MYH3: variants seen among roughly 807,000 people sequenced by gnomAD.
The protein encoded by MYH3 is myosin-3.
In MYH3, 130 loss-of-function variants were observed where a neutral mutation model predicts 238.0. The ratio of observed to expected loss-of-function variants is 0.55; its 90% CI spans 0.47 to 0.63. The LOEUF is 0.63. MYH3 is among the 30% of genes least tolerant of loss of function. The pLI is 0.00. For missense variants in MYH3, 1,853 were observed against 2,374.9 expected, an observed-to-expected ratio of 0.78 and a Z score of 4.57; for synonymous variants, 880 against 924.1, an observed-to-expected ratio of 0.95 and a Z score of 0.86.
chr17:10,647,474 A>G (rs186308996), intron 8 of MYH3, 48 bp from the exon 9 acceptor site: 16 of 1,586,794 alleles, frequency 1.0e-5, no homozygotes, highest in Middle Eastern at 3.3e-4. Flanking sequence ...CCATGGCCCA[A>G]TAGTTCCTAT....
At position 10,632,736 on chromosome 17, in the gene MYH3, A is replaced by G. The variant is rs767448260; in HGVS notation, c.4696T>C (p.Leu1566=). ...EAKILRIQLE[L]TQVKSEIDRK... ...TCAATTTCTGATTTCACTTGTGTCAATTCAAGCTGGATTCGGAGGATCTTG... is the reference window on the plus strand; with the variant it reads ...TCAATTTCTGATTTCACTTGTGTCAGTTCAAGCTGGATTCGGAGGATCTTG... The change falls in exon 34 of 41, where the codon TTG becomes CTG. Residue 1566 remains leucine, a synonymous_variant. Transcript: ENST00000583535. 52 of 1,614,012 alleles carry G rather than the reference A, an allele frequency of 3.2e-5. No homozygotes were observed. Among genetic ancestry groups the G allele is most frequent in the Non-Finnish European group, 4.2e-5 (49 of 1,180,028 alleles).
intron 22 of MYH3, 63 bp from the exon 23 acceptor site, chr17:10,639,865 C>T (rs549557724): frequency 1.5e-5 from 24 of 1,605,894 alleles, no homozygotes; most frequent in African/African-American, 2.7e-5. Context: ...TCCAGTATTT[C>T]ACTATATATG....
At chr17:10,676,132 C>A in the MYH3 span, 2 of 152,124 alleles carry the variant, frequency 1.3e-5, no homozygotes, top group South Asian at 2.1e-4. Flanking sequence ...ACTCTTGTTG[C>A]CCAGGCTGGA....
intron 31 of MYH3, 101 bp downstream of exon 31, chr17:10,634,739 G>A: frequency 6.9e-7 from 1 of 1,440,784 alleles, no homozygotes; most frequent in African/African-American, 1.4e-5. Flanking sequence ...CCACACTGCT[G>A]GTGAGGGCAG....
chr17:10,667,023 C>T, the MYH3 span, among the ~76,000 whole-genome samples: 1 of 152,200 alleles, frequency 6.6e-6, no homozygotes, highest in Non-Finnish European at 1.5e-5. Context: ...TGAAAACACA[C>T]TTTCTAACCA....
At chr17:10,677,284 T>G in the MYH3 span, 1 of 152,060 alleles carries the variant, frequency 6.6e-6, no homozygotes, top group East Asian at 1.9e-4. Flanking sequence ...CATTCCAGCC[T>G]GCGTGAGAAG....
intron 1 of MYH3, among the ~76,000 whole-genome samples, 200 bp downstream of exon 1, chr17:10,657,089 G>C (rs2074440117): frequency 6.6e-6 from 1 of 152,110 alleles, no homozygotes; most frequent in South Asian, 2.1e-4. Flanking sequence ...GGAGGTGCTG[G>C]AGCCAGAGGG....
rs2074282661 is a variant in MYH3, at chr17:10,642,523, C to A, written c.1782G>T (p.Trp594Cys). The A allele has an allele frequency of 1.2e-6, 2 of 1,614,106 alleles. No homozygotes were observed. The highest frequency in any genetic ancestry group is 1.1e-5 in the South Asian group (1 of 91,082). ...TCAGAGGGTCCTTGTTCTTCTCCAG[C>A]CAACCTGAGACACTGTAGTCCACGG... ...AGTVDYSVSG[W>C]LEKNKDPLNE... The change falls in exon 16 of 41, where the codon TGG (tryptophan) becomes TGT (cysteine). Residue 594 changes from tryptophan to cysteine, a missense_variant. Trp to Cys is a radical substitution (Grantham distance 215, BLOSUM62 -2). This residue lies in a region of MYH3 where 678 missense variants were observed against 1,058.9 expected (regional missense o/e 0.64). Coordinates refer to ENST00000583535, the MANE Select transcript of MYH3 (RefSeq NM_002470.4). The surrounding 1 kb of genome is among the most constrained non-coding windows in gnomAD (Gnocchi z 5.4).
intron 3 of MYH3, among the ~76,000 whole-genome samples, chr17:10,653,408 C>T (rs757099725): frequency 1.1e-4 from 17 of 152,182 alleles, no homozygotes; most frequent in African/African-American, 1.7e-4. Flanking sequence ...GTCCAGCCCC[C>T]GGCCCACCTC....
the MYH3 span, among the ~76,000 whole-genome samples, chr17:10,665,954 T>A: frequency 6.6e-6 from 1 of 152,294 alleles, no homozygotes; most frequent in African/African-American, 2.4e-5. Context: ...GAGGCCCGGA[T>A]ACTTATGGAA....
At chr17:10,656,763 G>C (rs184166407) in intron 1 of MYH3, among the ~76,000 whole-genome samples, 45 of 152,226 alleles carry the variant, frequency 3.0e-4, no homozygotes, top group Admixed American at 1.6e-3. Flanking sequence ...TCAACAGTTC[G>C]AGGGCAGGGG....
In MYH3 at chr17:10,639,491, A is replaced by T. The variant is rs757219459; in HGVS notation, c.2926-17T>A. The T allele has an allele frequency of 6.2e-7, 1 of 1,614,088 alleles. No individual in the cohort carries two copies. Among genetic ancestry groups the T allele is most frequent in the South Asian group, 1.1e-5 (1 of 91,064 alleles). On this transcript the variant is annotated splice_polypyrimidine_tract_variant and intron_variant, in intron 23 of 40. Coordinates refer to ENST00000583535, the MANE Select transcript of MYH3 (RefSeq NM_002470.4). ...GTTTTTAACCTAAGAAGAATTCGCA[A>T]GCAATTATAAGCTTAAAGTTTAGTT...
intron 10 of MYH3, among the ~76,000 whole-genome samples, chr17:10,646,504 G>A (rs939319425): frequency 3.3e-5 from 5 of 152,306 alleles, no homozygotes; most frequent in Middle Eastern, 6.8e-3. Context: ...TCTGTGAGGG[G>A]CAGACAAGGG....
rs755833851 is a variant in MYH3, at chr17:10,638,324, G to A, written c.3448C>T (p.Arg1150Trp). Residue 1150 changes from arginine (R) to tryptophan (W), a missense_variant, in exon 27 of 41, where the codon CGG becomes TGG. Physicochemically the swap from Arg to Trp is moderately radical, Grantham distance 101. This residue lies in a region of MYH3 where 1,044 missense variants were observed against 1,192.6 expected (regional missense o/e 0.88). Coordinates refer to ENST00000583535, the MANE Select transcript of MYH3 (RefSeq NM_002470.4). Reference protein sequence around the residue: ...YARELEELSERLEEAGGVTST... With the variant: ...YARELEELSEWLEEAGGVTST... ...GTGACGCCTCCCGCCTCCTCCAGCC[G>A]CTCGCTCAGCTCCTCCAGCTCCCGG... 13 of 1,611,850 alleles carry A rather than the reference G, an allele frequency of 8.1e-6. No homozygotes were observed. In the Admixed American group the frequency reaches 1.0e-4, roughly 12 times the overall value.
the MYH3 span, among the ~76,000 whole-genome samples, chr17:10,669,245 CTCTCT>C: frequency 2.6e-5 from 4 of 152,116 alleles, no homozygotes; most frequent in Non-Finnish European, 5.9e-5. Flanking sequence ...CAATTTCCTC[CTCTCT>C]TACCAAAAAA....
At chr17:10,639,964 T>TAAA in intron 22 of MYH3, 32 bp downstream of exon 22, 2 of 1,486,972 alleles carry the variant, frequency 1.3e-6, no homozygotes, top group African/African-American at 2.8e-5. Context: ...CTAGAAGAGT[T>TAAA]AAAAAAAAAA....
In MYH3 at chr17:10,633,685, G is replaced by A; in HGVS notation, c.4553C>T (p.Ala1518Val). ...QEIADLTEQI[A>V]ENGKTIHELE... ...TTCATGGATGGTTTTGCCATTTTCAGCAATTTGTTCTGTGAGATCTGCTAT... is the reference window on the plus strand; with the variant it reads ...TTCATGGATGGTTTTGCCATTTTCAACAATTTGTTCTGTGAGATCTGCTAT... Residue 1518 changes from alanine to valine, a missense_variant, in exon 33 of 41, where the codon GCT becomes GTT. Ala to Val is a moderately conservative substitution (Grantham distance 64). Coordinates refer to ENST00000583535, the MANE Select transcript of MYH3 (RefSeq NM_002470.4). 1 of 1,613,996 alleles carries A rather than the reference G, an allele frequency of 6.2e-7. No individual in the cohort carries two copies. The highest frequency in any genetic ancestry group is 8.5e-7 in the Non-Finnish European group (1 of 1,179,992).
At chr17:10,663,734 G>T in the MYH3 span, among the ~76,000 whole-genome samples, 1 of 149,002 alleles carries the variant, frequency 6.7e-6, no homozygotes, top group Non-Finnish European at 1.5e-5. Flanking sequence ...TGGTATATGT[G>T]TCACCTATTC....
intron 30 of MYH3, 132 bp downstream of exon 30, chr17:10,635,235 T>A (rs2074202028): frequency 6.8e-7 from 1 of 1,474,232 alleles, no homozygotes; most frequent in African/African-American, 1.4e-5. Flanking sequence ...TAAAATGTGC[T>A]AACGCCAGGT....
Sources: gnomAD v4.1 joint callset for allele counts (sites outside exome capture counted in the v4.1 genomes callset) on GRCh38, gnomAD v4.1.1 for gene constraint, gnomAD v4.1.1 regional missense constraint, Gnocchi (gnomAD v3.1) non-coding constraint, MANE v1.5 for transcripts, NCBI Gene and HGNC (gene_info 2026-07-23, HGNC 2026-07-21) for gene names.